Variants in TSPAN15 observed in about 807,000 individuals in gnomAD.
TSPAN15 encodes tetraspanin-15.
Under a neutral mutation model 34.5 loss-of-function variants are expected in TSPAN15, and 20 were observed. The observed-to-expected ratio is 0.58, with a 90% CI of 0.41 to 0.84. The LOEUF is 0.84. Ranked by LOEUF, TSPAN15 falls within the 40% of genes least tolerant of loss-of-function variation. The pLI, the probability that TSPAN15 is intolerant of heterozygous loss-of-function variation, is 0.00. For synonymous variants in TSPAN15, 155 were observed against 153.9 expected, an observed-to-expected ratio of 1.01 and a Z score of -0.05; for missense variants, 313 against 386.1, an observed-to-expected ratio of 0.81 and a Z score of 1.59.
the TSPAN15 span, among the ~76,000 whole-genome samples, chr10:69,549,385 T>C: frequency 6.6e-6 from 1 of 152,218 alleles, no homozygotes; most frequent in Admixed American, 6.5e-5. Context: ...ACTCCTTCCC[T>C]ATGGTATATA....
downstream of TSPAN15, among the ~76,000 whole-genome samples, chr10:69,510,503 C>T (rs138344020): frequency 0.049 from 7,386 of 152,288 alleles, 239 homozygotes; most frequent in Non-Finnish European, 0.072. Context: ...TCTAAATGTA[C>T]AATCATGTCA....
intron 3 of TSPAN15, among the ~76,000 whole-genome samples, chr10:69,493,438 G>C (rs2133133285): frequency 6.6e-6 from 1 of 150,962 alleles, no homozygotes; most frequent in Non-Finnish European, 1.5e-5. Context: ...TTTCCTTCTG[G>C]CCACGAAGGC....
chr10:69,458,596 G>A (rs1305316700), intron 1 of TSPAN15, among the ~76,000 whole-genome samples: 3 of 152,180 alleles, frequency 2.0e-5, no homozygotes, highest in Non-Finnish European at 4.4e-5. Flanking sequence ...GTGGCCAGCC[G>A]TGCCTAACGG....
At position 69,498,325 on chromosome 10, in the gene TSPAN15, C is replaced by A; in HGVS notation, c.499C>A (p.Gln167Lys). The A allele has an allele frequency of 6.2e-7, 1 of 1,613,962 alleles. No homozygotes were observed. The highest frequency in any genetic ancestry group is 8.5e-7 in the Non-Finnish European group (1 of 1,179,994). Residue 167 changes from glutamine to lysine, a missense_variant, in exon 5 of 8, where the codon CAG becomes AAG. Gln to Lys is a moderately conservative substitution (Grantham distance 53, BLOSUM62 1). Transcript: ENST00000373290. ...GGACTACCGAGATTGGAGCAAGAAT[C>A]AGTACCACGACTGCAGTGCCCCTGG... ...GEDYRDWSKN[Q>K]YHDCSAPGPL...
the TSPAN15 span, among the ~76,000 whole-genome samples, chr10:69,545,232 G>T: frequency 6.6e-6 from 1 of 152,176 alleles, no homozygotes; most frequent in Non-Finnish European, 1.5e-5. Context: ...GAGGGGCAGT[G>T]CTTGCTAGAG....
chr10:69,483,756 C>T lies in TSPAN15; in HGVS notation c.162C>T (p.Thr54=). 6.2e-7 allele frequency: 1 copy of T among 1,614,192 alleles called. No homozygotes were observed. The part of the protein sequence containing the change: ...YAEVERQKYK[T]LESAFLAPAI... ...AGGTTGAGCGGCAGAAATATAAAAC[C>T]CTTGAAAGTGCCTTCCTGGCTCCAG... Residue 54 remains threonine, a synonymous_variant, in exon 2 of 8, where the codon ACC becomes ACT. Coordinates refer to ENST00000373290, the MANE Select transcript of TSPAN15 (RefSeq NM_012339.5).
At chr10:69,454,890 G>A (rs1841050205) in intron 1 of TSPAN15, among the ~76,000 whole-genome samples, 1 of 152,026 alleles carries the variant, frequency 6.6e-6, no homozygotes, top group Non-Finnish European at 1.5e-5. Flanking sequence ...GTAGAAAAGG[G>A]TAAGGCCGGG....
the TSPAN15 span, among the ~76,000 whole-genome samples, chr10:69,515,683 A>G: frequency 6.6e-6 from 1 of 152,228 alleles, no homozygotes; most frequent in African/African-American, 2.4e-5. Context: ...AAGCTCTGGC[A>G]CAAGGTCCTG....
chr10:69,539,470 G>GAAGAAT, the TSPAN15 span, among the ~76,000 whole-genome samples: 152 of 59,118 alleles, frequency 2.6e-3, no homozygotes, highest in Non-Finnish European at 3.8e-3. Context: ...GAAGGAGAAG[G>GAAGAAT]AGAAGGAGAA....
chr10:69,528,279 C>T, the TSPAN15 span, among the ~76,000 whole-genome samples: 1 of 148,582 alleles, frequency 6.7e-6, no homozygotes, highest in Non-Finnish European at 1.5e-5. Context: ...TGCAGTGTCA[C>T]CTGGAAACTT....
chr10:69,490,413 A>G (rs1841943482), intron 3 of TSPAN15, among the ~76,000 whole-genome samples: 2 of 152,178 alleles, frequency 1.3e-5, no homozygotes, highest in Non-Finnish European at 2.9e-5. Context: ...CAACACTCCT[A>G]GATTACTTGC....
chr10:69,504,673 C>T (rs555045529), intron 6 of TSPAN15, among the ~76,000 whole-genome samples, 188 bp downstream of exon 6: 2 of 152,310 alleles, frequency 1.3e-5, no homozygotes, highest in South Asian at 4.1e-4. Context: ...ACCAAGAATT[C>T]CCCCAGGCTG....
chr10:69,507,207 C>G lies in TSPAN15; in HGVS notation c.*229C>G, dbSNP rs552038454. 14 of 1,408,432 alleles carry G rather than the reference C, an allele frequency of 9.9e-6. No individual in the cohort carries two copies. Among genetic ancestry groups the G allele is most frequent in the Admixed American group, 6.2e-5 (2 of 32,112 alleles). 87.2% of individuals were successfully genotyped at this position (1,408,432 alleles called of 1,614,324 possible). On this transcript the variant is annotated 3_prime_UTR_variant, in exon 8 of 8. Transcript: ENST00000373290. ...GAGGCAGCTCTGGAATCTGTGCCCA[C>G]CTGGGGCCTGGGGAACAAGGCCCTC...
intron 1 of TSPAN15, among the ~76,000 whole-genome samples, chr10:69,470,740 AG>A (rs1024383617): frequency 6.6e-6 from 1 of 152,214 alleles, no homozygotes; most frequent in Non-Finnish European, 1.5e-5. Flanking sequence ...AAATAAAAAA[AG>A]ATCACAGTTG....
At chr10:69,480,137 G>T (rs1162442498) in intron 1 of TSPAN15, among the ~76,000 whole-genome samples, 1 of 152,312 alleles carries the variant, frequency 6.6e-6, no homozygotes, top group East Asian at 1.9e-4. Context: ...GCCACTGACT[G>T]CCTTTATGGA....
downstream of TSPAN15, among the ~76,000 whole-genome samples, chr10:69,511,667 A>C (rs1477714591): frequency 6.6e-6 from 1 of 152,088 alleles, no homozygotes; most frequent in Non-Finnish European, 1.5e-5. Flanking sequence ...GTGATGTTAA[A>C]GTATCAATTT....
the TSPAN15 span, among the ~76,000 whole-genome samples, chr10:69,537,726 C>A: frequency 6.6e-6 from 1 of 152,128 alleles, no homozygotes; most frequent in African/African-American, 2.4e-5. Flanking sequence ...AGTCAGGACA[C>A]CAGCATATGA....
intron 2 of TSPAN15, 108 bp from the exon 3 acceptor site, chr10:69,485,033 G>A (rs1245314403): frequency 2.5e-5 from 27 of 1,085,030 alleles, no homozygotes; most frequent in South Asian, 1.7e-4. Flanking sequence ...GGAGCTCCCC[G>A]AGGGATGCTT....
At chr10:69,528,086 C>T in the TSPAN15 span, among the ~76,000 whole-genome samples, 1 of 148,052 alleles carries the variant, frequency 6.8e-6, no homozygotes, top group Non-Finnish European at 1.5e-5. Context: ...GATCCCATGC[C>T]TACCAAGGGC....
Sources: allele counts gnomAD v4.1 joint callset (sites outside exome capture counted in the v4.1 genomes callset), GRCh38; gene constraint gnomAD v4.1.1; transcripts MANE v1.5; gene names NCBI Gene and HGNC (gene_info 2026-07-23, HGNC 2026-07-21).